Variants in SMYD3 observed in about 807,000 individuals in gnomAD.
SMYD3 encodes the protein histone-lysine N-methyltransferase SMYD3.
Under a neutral mutation model 57.7 loss-of-function variants are expected in SMYD3, and 36 were observed. The ratio of observed to expected loss-of-function variants is 0.62; its 90% CI spans 0.48 to 0.82. The LOEUF (loss-of-function observed/expected upper bound fraction) is 0.82. SMYD3 is among the 40% of genes least tolerant of loss of function. The probability of loss-of-function intolerance (pLI) is 0.00; values close to 1 mark genes in which losing one functional copy is unlikely to be tolerated. For missense variants in SMYD3, 515 were observed against 538.8 expected (o/e 0.96, Z 0.44); for synonymous variants, 211 against 195.0 (o/e 1.08, Z -0.68).
chr1:245,863,782 C>T lies in SMYD3; in HGVS notation c.901+17G>A, dbSNP rs1159393077. 3 of 1,610,728 alleles carry T rather than the reference C, an allele frequency of 1.9e-6. No individual in the cohort carries two copies. The highest frequency in any genetic ancestry group is 2.7e-5 in the African/African-American group (2 of 74,832). ...ACAATCCCAACAGTCCACCTCAATC[C>T]ACAGGCGAAAGGATACTCCAGTGTG... On this transcript the variant is annotated intron_variant, in intron 9 of 11. Coordinates refer to ENST00000490107, the MANE Select transcript of SMYD3 (RefSeq NM_001167740.2).
intron 5 of SMYD3, among the ~76,000 whole-genome samples, chr1:245,980,177 G>A (rs2058561142): frequency 6.6e-6 from 1 of 152,248 alleles, no homozygotes; most frequent in Non-Finnish European, 1.5e-5. Flanking sequence ...CTCTATCACA[G>A]GCTGCAGCAC....
intron 5 of SMYD3, among the ~76,000 whole-genome samples, chr1:246,237,733 A>G (rs1044685658): frequency 1.3e-5 from 2 of 152,212 alleles, no homozygotes; most frequent in African/African-American, 4.8e-5. Context: ...ATATACAAAC[A>G]TAAAAGCATT....
chr1:245,795,958 G>A (rs1177455586), intron 10 of SMYD3, among the ~76,000 whole-genome samples: 1 of 152,098 alleles, frequency 6.6e-6, no homozygotes, highest in African/African-American at 2.4e-5. Flanking sequence ...TCTCCCAATT[G>A]TTTATTAATT....
At chr1:245,896,369 C>A (rs1572622851) in intron 8 of SMYD3, among the ~76,000 whole-genome samples, 1 of 24,802 alleles carries the variant, frequency 4.0e-5, no homozygotes, top group Non-Finnish European at 8.2e-5. Flanking sequence ...AAACAGGAAC[C>A]AAAAATAGCT....
intron 5 of SMYD3, among the ~76,000 whole-genome samples, chr1:246,088,730 C>A (rs2060770751): frequency 6.6e-6 from 1 of 152,098 alleles, no homozygotes; most frequent in South Asian, 2.1e-4. Flanking sequence ...GTTTTCAGTA[C>A]AATATCCCCA....
intron 5 of SMYD3, among the ~76,000 whole-genome samples, chr1:246,083,510 G>GTATGCTGA (rs1553283939): frequency 4.2e-5 from 6 of 142,016 alleles, no homozygotes; most frequent in Non-Finnish European, 9.0e-5. Context: ...GGCTGGTGCC[G>GTATGCTGA]GCGCGGGTCC....
intron 10 of SMYD3, among the ~76,000 whole-genome samples, chr1:245,831,896 A>G (rs2049853779): frequency 2.6e-5 from 4 of 152,186 alleles, no homozygotes; most frequent in Non-Finnish European, 5.9e-5. Flanking sequence ...GGCGTTTTGA[A>G]TTGGAAACTT....
At position 246,472,606 on chromosome 1, in the gene SMYD3, T is replaced by C. The variant is rs544060289; in HGVS notation, c.164+34448A>G. On this transcript the variant is annotated intron_variant, in intron 1 of 11. Transcript: ENST00000490107. ...AAAAACAGAAAAACTTAGCTGGGCA[T>C]GCTGGCATGCGCCTGTAGTCCCAGC... Among the ~76,000 whole-genome samples the C allele has an allele frequency of 1.1e-4, 16 of 152,010 alleles. No homozygotes were observed. In the South Asian group the frequency reaches 3.3e-3, roughly 32 times the overall value.
At chr1:246,066,964 C>CA (rs2060352398) in intron 5 of SMYD3, among the ~76,000 whole-genome samples, 1 of 152,198 alleles carries the variant, frequency 6.6e-6, no homozygotes, top group African/African-American at 2.4e-5. Context: ...GAGAGAGTGG[C>CA]AGAATTCAGT....
intron 5 of SMYD3, among the ~76,000 whole-genome samples, chr1:246,234,104 A>G (rs2063473232): frequency 7.5e-6 from 1 of 134,090 alleles, no homozygotes; most frequent in South Asian, 3.0e-4. Context: ...AACATATACC[A>G]CACAGAGGAG....
intron 1 of SMYD3, among the ~76,000 whole-genome samples, chr1:246,379,899 C>T (rs2066359713): frequency 6.6e-6 from 1 of 151,730 alleles, no homozygotes; most frequent in Admixed American, 6.6e-5. Context: ...ACTCAAGAGG[C>T]TGAGGCAGGA....
intron 5 of SMYD3, among the ~76,000 whole-genome samples, chr1:246,084,438 A>G (rs533777145): frequency 6.6e-6 from 1 of 151,628 alleles, no homozygotes; most frequent in African/African-American, 2.4e-5. Context: ...CTGGTCTTCA[A>G]CTCCTGGGTT....
chr1:245,783,982 C>T (rs2046937002), intron 10 of SMYD3, among the ~76,000 whole-genome samples: 2 of 152,180 alleles, frequency 1.3e-5, no homozygotes, highest in African/African-American at 4.8e-5. Context: ...ATAGGCCAAA[C>T]AATTTCTATC....
At chr1:246,081,658 T>G (rs1199191931) in intron 5 of SMYD3, among the ~76,000 whole-genome samples, 3 of 152,232 alleles carry the variant, frequency 2.0e-5, no homozygotes, top group African/African-American at 7.2e-5. Flanking sequence ...CCTCTGAAAG[T>G]GCTGGGATTA....
intron 10 of SMYD3, among the ~76,000 whole-genome samples, chr1:245,823,313 G>A (rs546689556): frequency 3.5e-5 from 5 of 142,576 alleles, no homozygotes; most frequent in Admixed American, 7.4e-5. Context: ...TCTGCCACAC[G>A]TGCGTGTGCA....
chr1:245,970,080 G>GCCAAAACAGCATGGTACTGGTA (rs2058258526), intron 5 of SMYD3, among the ~76,000 whole-genome samples: 2 of 152,150 alleles, frequency 1.3e-5, no homozygotes, highest in East Asian at 1.9e-4. Context: ...GGCTACAGCA[G>GCCAAAACAGCATGGTACTGGTA]CCAAAACAGC....
chr1:246,007,502 A>T (rs2059196298), intron 5 of SMYD3, among the ~76,000 whole-genome samples: 1 of 152,058 alleles, frequency 6.6e-6, no homozygotes, highest in South Asian at 2.1e-4. Context: ...AAAGGAGATG[A>T]AAGGACTAAA....
At chr1:246,482,577 G>A (rs1412277609) in intron 1 of SMYD3, among the ~76,000 whole-genome samples, 1 of 152,138 alleles carries the variant, frequency 6.6e-6, no homozygotes, top group African/African-American at 2.4e-5. Flanking sequence ...GCTCTCCACA[G>A]CTCTCACTCA....
At chr1:246,215,083 C>T (rs1013654024) in intron 5 of SMYD3, among the ~76,000 whole-genome samples, 3 of 152,106 alleles carry the variant, frequency 2.0e-5, no homozygotes, top group Non-Finnish European at 2.9e-5. Flanking sequence ...ACAATGGCCA[C>T]ACGCATGTGG....
Sources: gnomAD v4.1 joint callset for allele counts (sites outside exome capture counted in the v4.1 genomes callset) on GRCh38, gnomAD v4.1.1 for gene constraint, MANE v1.5 for transcripts, NCBI Gene and HGNC (gene_info 2026-07-23, HGNC 2026-07-21) for gene names.